Variants in DAO observed in about 807,000 individuals in gnomAD.
The protein encoded by DAO is D-amino acid oxidase.
Under a neutral mutation model 50.1 loss-of-function variants are expected in DAO, and 51 were observed. That is an observed-to-expected ratio of 1.02 (90% CI 0.81 to 1.29). DAO has a LOEUF of 1.29. Among genes scored for constraint, DAO ranks in the 50% most tolerant of loss-of-function variants. The probability of loss-of-function intolerance (pLI) is 0.00; values close to 1 mark genes in which losing one functional copy is unlikely to be tolerated. For synonymous variants in DAO, 160 were observed against 166.2 expected, an observed-to-expected ratio of 0.96 and a Z score of 0.29; for missense variants, 436 against 439.4, an observed-to-expected ratio of 0.99 and a Z score of 0.07.
chr12:108,900,020 A>C (rs982436061), intron 10 of DAO: 1 of 321,650 alleles, frequency 3.1e-6, no homozygotes, highest in African/African-American at 2.1e-5. Flanking sequence ...AGTCCATTAC[A>C]TGAATGACCT....
At chr12:108,890,964 G>A (rs2039484235) in intron 5 of DAO, among the ~76,000 whole-genome samples, 1 of 152,050 alleles carries the variant, frequency 6.6e-6, no homozygotes, top group Non-Finnish European at 1.5e-5. Context: ...GACTACAGGT[G>A]CCTGCCACCA....
At chr12:108,892,486 C>A (rs764023509) in intron 5 of DAO, among the ~76,000 whole-genome samples, 1 of 152,048 alleles carries the variant, frequency 6.6e-6, no homozygotes, top group Non-Finnish European at 1.5e-5. Flanking sequence ...TATTTCTAAT[C>A]GTGATAGATG....
chr12:108,888,226 G>A (rs1012749000), intron 3 of DAO, among the ~76,000 whole-genome samples: 20 of 152,212 alleles, frequency 1.3e-4, no homozygotes, highest in African/African-American at 4.8e-4. Context: ...CTTGGAGAGG[G>A]TGGTCTGGCG....
chr12:108,894,218 T>A (rs1371818909), intron 6 of DAO, 45 bp from the exon 7 acceptor site: 1 of 1,439,276 alleles, frequency 6.9e-7, no homozygotes, highest in South Asian at 1.2e-5. Context: ...AATACCAGGG[T>A]CTTCCCCACC....
At position 108,881,162 on chromosome 12, in the gene DAO, TCACACACACACA is replaced by T. The variant is rs66697500; in HGVS notation, c.-10+963_-10+974del. On this transcript the variant is annotated intron_variant, in intron 1 of 10. Coordinates refer to ENST00000228476, the MANE Select transcript of DAO (RefSeq NM_001917.5). Reference sequence around the variant, plus strand: ...CTCCACACTTACACAGACATTCTAATCACACACACACACACACACACACACACACACACACAA... The same window carrying T: ...CTCCACACTTACACAGACATTCTAATCACACACACACACACACACACACAA... 1.8e-4 allele frequency among the ~76,000 whole-genome samples: 25 copies of T among 139,332 alleles called. 1 individual carries two copies. The highest frequency in any genetic ancestry group is 1.0e-3 in the Admixed American group (14 of 13,818). The allele number at this position is 139,332 out of a possible 152,430, so 91.4% of individuals were successfully genotyped here. A position where few individuals can be genotyped will look rare whatever the true frequency, so the allele number is the denominator to read the frequency against.
chr12:108,889,488 C>T lies in DAO; in HGVS notation c.329C>T (p.Thr110Ile). The change falls in exon 4 of 11, where the codon ACA (threonine) becomes ATA (isoleucine). Residue 110 changes from threonine (T) to isoleucine (I), a missense_variant. Thr to Ile is a moderately conservative substitution (Grantham distance 89). Transcript: ENST00000228476. Reference sequence around the variant, plus strand: ...CTTCAGGACCCTTCCTGGAAGGACACAGTTCTGGGATTTCGGAAGCTGACC... The same window carrying T: ...CTTCAGGACCCTTCCTGGAAGGACATAGTTCTGGGATTTCGGAAGCTGACC... ...EAIPDPSWKD[T>I]VLGFRKLTPR... 2 of 1,612,582 alleles carry T rather than the reference C, an allele frequency of 1.2e-6. No individual in the cohort carries two copies. Among genetic ancestry groups the T allele is most frequent in the Non-Finnish European group, 1.7e-6 (2 of 1,179,086 alleles).
At chr12:108,894,419 C>A in intron 7 of DAO, 52 bp downstream of exon 7, 1 of 1,345,462 alleles carries the variant, frequency 7.4e-7, no homozygotes, top group Non-Finnish European at 1.1e-6. Flanking sequence ...GATCATTCTG[C>A]ATGCTTATTT....
chr12:108,889,022 T>C (rs371525074), intron 3 of DAO, among the ~76,000 whole-genome samples: 3 of 152,208 alleles, frequency 2.0e-5, no homozygotes, highest in East Asian at 1.9e-4. Context: ...CAATGGCTTC[T>C]TGTGAAGATT....
chr12:108,892,758 A>G (rs1364163149), intron 5 of DAO, among the ~76,000 whole-genome samples: 1 of 152,136 alleles, frequency 6.6e-6, no homozygotes, highest in Non-Finnish European at 1.5e-5. Context: ...CATCTGCCCA[A>G]CAAGGGGCTT....
At chr12:108,888,721 A>T (rs1212395236) in intron 3 of DAO, among the ~76,000 whole-genome samples, 1 of 152,112 alleles carries the variant, frequency 6.6e-6, no homozygotes, top group Non-Finnish European at 1.5e-5. Context: ...GGTCTCTGAC[A>T]CTATGCTCTG....
chr12:108,887,533 C>T lies in DAO; in HGVS notation c.278C>T (p.Ser93Leu), dbSNP rs377513138. The T allele has an allele frequency of 8.7e-6, 14 of 1,613,796 alleles. No individual in the cohort carries two copies. Among genetic ancestry groups the T allele is most frequent in the African/African-American group, 4.0e-5 (3 of 74,878 alleles). ...GAAAACCTGGGCCTGTTCCTAATCTCGGGCTACAACCTCTTCCATGAAGCC... is the reference window on the plus strand; with the variant it reads ...GAAAACCTGGGCCTGTTCCTAATCTTGGGCTACAACCTCTTCCATGAAGCC... Reference protein sequence around the residue: ...NAENLGLFLISGYNLFHEAIP... With the variant: ...NAENLGLFLILGYNLFHEAIP... Residue 93 changes from serine (S) to leucine (L), a missense_variant, in exon 3 of 11, where the codon TCG becomes TTG. Coordinates refer to ENST00000228476, the MANE Select transcript of DAO (RefSeq NM_001917.5).
At chr12:108,889,958 C>T (rs1198578077) in intron 4 of DAO, among the ~76,000 whole-genome samples, 2 of 152,158 alleles carry the variant, frequency 1.3e-5, no homozygotes, top group Admixed American at 6.6e-5. Context: ...CCACACCACA[C>T]CTGAATCCCC....
At chr12:108,895,708 G>A (rs2039546363) in intron 7 of DAO, among the ~76,000 whole-genome samples, 1 of 142,288 alleles carries the variant, frequency 7.0e-6, no homozygotes, top group Non-Finnish European at 1.5e-5. Flanking sequence ...ATGTGTGTGA[G>A]GGGTATATGT....
At chr12:108,883,526 G>A (rs1269715837) in intron 1 of DAO, 17 of 423,712 alleles carry the variant, frequency 4.0e-5, no homozygotes, top group Admixed American at 7.8e-5. Context: ...GGAGGCTGCT[G>A]TGTGTTGAGG....
chr12:108,898,793 G>A lies in DAO; in HGVS notation c.810G>A (p.Leu270=). 6.2e-7 allele frequency: 1 copy of A among 1,610,854 alleles called. No homozygotes were observed. ...GCTGCTGCAGACTGGAGCCCACACT[G>A]AAGGTAAGGTAGGGAGGAGTAGCAG... ...WEGCCRLEPT[L]KNARIIGERT... is the part of the protein sequence containing the mutation. Residue 270 remains leucine (L), a synonymous_variant, in exon 9 of 11, where the codon CTG becomes CTA. Transcript: ENST00000228476.
At chr12:108,895,867 C>T (rs2039548707) in intron 7 of DAO, among the ~76,000 whole-genome samples, 2 of 151,598 alleles carry the variant, frequency 1.3e-5, no homozygotes, top group South Asian at 4.2e-4. Context: ...CTAATGTGGG[C>T]TGATGGGTGT....
rs529945544 is a variant in DAO, at chr12:108,892,446, G to A, written c.453-536G>A. ...CTCCCAAAGTACTGGGATTACAGGC[G>A]TGAGCCACCGCGCCTCGCTGTTTCT... On this transcript the variant is annotated intron_variant, in intron 5 of 10. Transcript: ENST00000228476. Among the ~76,000 whole-genome samples, 7 of 152,200 alleles carry A rather than the reference G, an allele frequency of 4.6e-5. No homozygotes were observed. The East Asian group carries it at 1.2e-3, about 25-fold the overall frequency.
Position 108,900,496 on chromosome 12 carries a change from A to G in DAO, c.1005A>G (p.Glu335=), listed in dbSNP as rs563868242. 20 of 1,614,178 alleles carry G rather than the reference A, an allele frequency of 1.2e-5. 1 individual carries two copies. The African/African-American group carries it at 2.3e-4, about 18-fold the overall frequency. The part of the protein sequence containing the change: ...EAAKLFGRIL[E]EKKLSRMPPS... ...CCAAGCTCTTTGGGAGAATCCTGGA[A>G]GAAAAGAAATTGTCCAGAATGCCAC... is the stretch of plus-strand genomic sequence containing the variant. The change falls in exon 11 of 11, where the codon GAA becomes GAG. Residue 335 remains glutamate, a synonymous_variant. Coordinates refer to ENST00000228476, the MANE Select transcript of DAO (RefSeq NM_001917.5).
rs373426540 is a variant in DAO at position 108,892,884 on chromosome 12, C to T, written c.453-98C>T. On this transcript the variant is annotated intron_variant, in intron 5 of 10. Transcript: ENST00000228476. ...AGCAGCATCCTGTGCAACTAACGTC[C>T]GCAGAAGGTTGTTTGGGAAAGGTCC... 157 of 1,057,084 alleles carry T rather than the reference C, an allele frequency of 1.5e-4. 2 individuals are homozygous for T. The highest frequency in any genetic ancestry group is 8.8e-4 in the East Asian group (37 of 42,174). 65.5% of individuals were successfully genotyped at this position (1,057,084 alleles called of 1,614,324 possible).
Sources: allele counts gnomAD v4.1 joint callset (sites outside exome capture counted in the v4.1 genomes callset), GRCh38; gene constraint gnomAD v4.1.1; transcripts MANE v1.5; gene names NCBI Gene and HGNC (gene_info 2026-07-23, HGNC 2026-07-21).